Variants in ANKRD13C observed in about 807,000 individuals in gnomAD.
ANKRD13C encodes the protein ankyrin repeat domain-containing protein 13C.
A neutral mutation model predicts 65.5 loss-of-function variants in ANKRD13C; 16 were observed. The ratio of observed to expected loss-of-function variants is 0.24; its 90% CI spans 0.17 to 0.37. ANKRD13C has a LOEUF of 0.37. Among genes scored for constraint, ANKRD13C ranks in the 10% least tolerant of loss-of-function variants. ANKRD13C has a pLI of 1.00. For synonymous variants in ANKRD13C, 235 were observed against 238.7 expected, an observed-to-expected ratio of 0.98 and a Z score of 0.14; for missense variants, 503 against 655.9, an observed-to-expected ratio of 0.77 and a Z score of 2.55.
chr1:70,311,015 C>T (rs1189056452), intron 5 of ANKRD13C, among the ~76,000 whole-genome samples: 1 of 152,068 alleles, frequency 6.6e-6, no homozygotes, highest in Non-Finnish European at 1.5e-5. Context: ...GACAAACTAG[C>T]CTGATGAGCT....
At chr1:70,272,297 C>T (rs1307407786) in intron 11 of ANKRD13C, among the ~76,000 whole-genome samples, 1 of 151,404 alleles carries the variant, frequency 6.6e-6, no homozygotes, top group Non-Finnish European at 1.5e-5. Flanking sequence ...GTGATGTCGG[C>T]TCAACGCAAA....
chr1:70,309,050 T>TG (rs1680720535), intron 5 of ANKRD13C, among the ~76,000 whole-genome samples: 1 of 150,288 alleles, frequency 6.7e-6, no homozygotes, highest in Non-Finnish European at 1.5e-5. Context: ...TTCTTTCCTT[T>TG]TTTTTTTTTT....
chr1:70,324,818 A>G (rs777914161), intron 3 of ANKRD13C, 35 bp downstream of exon 3: 2 of 1,410,940 alleles, frequency 1.4e-6, no homozygotes, highest in South Asian at 1.4e-5. Context: ...ATATTTTTAG[A>G]AGATATATCA....
intron 2 of ANKRD13C, among the ~76,000 whole-genome samples, chr1:70,330,033 T>G (rs533076047): frequency 6.8e-6 from 1 of 146,058 alleles, no homozygotes; most frequent in South Asian, 2.2e-4. Flanking sequence ...GAGATTGCAG[T>G]GAGCCGAGAT....
chr1:70,287,808 A>C (rs1679687309), intron 9 of ANKRD13C, among the ~76,000 whole-genome samples: 1 of 152,156 alleles, frequency 6.6e-6, no homozygotes, highest in Non-Finnish European at 1.5e-5. Context: ...GGAGTTTGAG[A>C]CCAGTCTGGG....
rs1682006990 is a variant in ANKRD13C at position 70,335,973 on chromosome 1, C to T, written c.472+85G>A. 4 of 407,486 alleles carry T rather than the reference C, an allele frequency of 9.8e-6. No individual in the cohort carries two copies. In the Middle Eastern group the frequency reaches 3.0e-3, roughly 305 times the overall value. The allele number at this position is 407,486 out of a possible 1,614,324, so 25.2% of individuals were successfully genotyped here. ...AACAGATAAAATGAGTTTTTAAAAA[C>T]TCAAAAGACAAAACTGATCTTAAAA... On this transcript the variant is annotated intron_variant, in intron 2 of 12. Transcript: ENST00000370944.
chr1:70,294,055 C>T (rs971540813), intron 8 of ANKRD13C, among the ~76,000 whole-genome samples: 5 of 152,022 alleles, frequency 3.3e-5, no homozygotes, highest in African/African-American at 1.2e-4. Flanking sequence ...GAATACTATG[C>T]AATTGCTAAA....
At chr1:70,328,092 A>T (rs2101554508) in intron 2 of ANKRD13C, among the ~76,000 whole-genome samples, 1 of 152,198 alleles carries the variant, frequency 6.6e-6, no homozygotes, top group East Asian at 1.9e-4. Flanking sequence ...AAAAATTTAT[A>T]TATATAAAAC....
chr1:70,326,264 AGAC>A (rs1382653187), intron 2 of ANKRD13C, among the ~76,000 whole-genome samples: 6 of 132,340 alleles, frequency 4.5e-5, no homozygotes, highest in Non-Finnish European at 9.8e-5. Flanking sequence ...AAAAAAAAAA[AGAC>A]AGCCATCCAT....
At chr1:70,317,060 ATT>A (rs11331730) in intron 3 of ANKRD13C, among the ~76,000 whole-genome samples, 81 of 149,436 alleles carry the variant, frequency 5.4e-4, no homozygotes, top group Middle Eastern at 3.5e-3. Context: ...CTTGGACTAG[ATT>A]TTTTTTTTTT....
Position 70,354,459 on chromosome 1 carries a change from G to C in ANKRD13C, c.-51C>G. ...AATCGGGAGGCTCACCGCTGGCGAC[G>C]GAGCTGGCGCTGCGGCGGCACAAGG... On this transcript the variant is annotated 5_prime_UTR_variant, in exon 1 of 13. Transcript: ENST00000370944. 1 of 1,558,994 alleles carries C rather than the reference G, an allele frequency of 6.4e-7. No individual in the cohort carries two copies. The highest frequency in any genetic ancestry group is 2.3e-5 in the East Asian group (1 of 43,914).
At position 70,292,561 on chromosome 1, in the gene ANKRD13C, C is replaced by T. The variant is rs755737433; in HGVS notation, c.1054-12G>A. On this transcript the variant is annotated splice_polypyrimidine_tract_variant and intron_variant, in intron 8 of 12. Transcript: ENST00000370944. ...TTTCCTACTCTTTCCTAAAACAAAA[C>T]CAAATATTTAAAAGTAAAATTTTTA... 5 of 1,569,570 alleles carry T rather than the reference C, an allele frequency of 3.2e-6. No homozygotes were observed. The highest frequency in any genetic ancestry group is 3.4e-6 in the Non-Finnish European group (4 of 1,166,540).
chr1:70,283,582 C>T lies in ANKRD13C; in HGVS notation c.1216-6738G>A, dbSNP rs189084402. On this transcript the variant is annotated intron_variant, in intron 9 of 12. Coordinates refer to ENST00000370944, the MANE Select transcript of ANKRD13C (RefSeq NM_030816.5). The stretch of plus-strand genomic sequence containing the variant: ...CTGTAATCCCAGCACTTTAGGAGGT[C>T]GAGGCGGGTGGATCCTGAGGTCAGG... Among the ~76,000 whole-genome samples the T allele has an allele frequency of 7.2e-5, 11 of 151,906 alleles. No individual in the cohort carries two copies. The South Asian group carries it at 8.3e-4, about 12-fold the overall frequency.
intron 7 of ANKRD13C, among the ~76,000 whole-genome samples, chr1:70,297,007 GACAGAAGACTAAATGATCAAGT>G (rs1481270112): frequency 6.6e-6 from 1 of 152,080 alleles, no homozygotes; most frequent in Non-Finnish European, 1.5e-5. Context: ...TTGCTTCAGG[GACAGAAGACTAAATGATCAAGT>G]ACAGAAGAGT....
In ANKRD13C at chr1:70,259,363, C is replaced by T. The variant is rs1678322750; in HGVS notation, c.*3354G>A. On this transcript the variant is annotated 3_prime_UTR_variant, in exon 13 of 13. Transcript: ENST00000370944. ...TTTCTTAGAAGTTCTTAAGATTTTG[C>T]TTCAATATTTTTCAGTGTGTGGAAA... is the stretch of plus-strand genomic sequence containing the variant. Among the ~76,000 whole-genome samples the T allele has an allele frequency of 6.6e-6, 1 of 152,072 alleles. No homozygotes were observed. Among genetic ancestry groups the T allele is most frequent in the Non-Finnish European group, 1.5e-5 (1 of 67,984 alleles).
At chr1:70,350,979 G>A (rs1365321386) in intron 1 of ANKRD13C, among the ~76,000 whole-genome samples, 5 of 152,092 alleles carry the variant, frequency 3.3e-5, no homozygotes, top group African/African-American at 1.2e-4. Flanking sequence ...TGGACAACAC[G>A]GTGAAACCCA....
intron 1 of ANKRD13C, among the ~76,000 whole-genome samples, chr1:70,353,484 T>C (rs763255606): frequency 7.2e-5 from 11 of 152,186 alleles, no homozygotes; most frequent in Non-Finnish European, 1.3e-4. Flanking sequence ...CTAAGTTTAC[T>C]GAAAGCAGAC....
chr1:70,262,959 A>T, intron 12 of ANKRD13C, 112 bp from the exon 13 acceptor site: 3 of 853,088 alleles, frequency 3.5e-6, no homozygotes, highest in Non-Finnish European at 5.0e-6. Flanking sequence ...AAAAAAAAAA[A>T]ATACTCAAGA....
chr1:70,276,116 A>G (rs1427444114), intron 10 of ANKRD13C, among the ~76,000 whole-genome samples: 1 of 152,130 alleles, frequency 6.6e-6, no homozygotes, highest in Non-Finnish European at 1.5e-5. Flanking sequence ...ATTCTCCACC[A>G]AAAGGAAATA....
Sources: gnomAD v4.1 joint callset for allele counts (sites outside exome capture counted in the v4.1 genomes callset) on GRCh38, gnomAD v4.1.1 for gene constraint, MANE v1.5 for transcripts, NCBI Gene and HGNC (gene_info 2026-07-23, HGNC 2026-07-21) for gene names.